Variants in SSBP2 observed in about 807,000 individuals in gnomAD.
SSBP2 encodes the protein single-stranded DNA-binding protein 2.
SSBP2 carries 17 observed loss-of-function variants against 61.8 expected under a neutral mutation model. The ratio of observed to expected loss-of-function variants is 0.28; its 90% confidence interval spans 0.19 to 0.41. SSBP2 has a LOEUF of 0.41. Among genes scored for constraint, SSBP2 ranks in the 10% least tolerant of loss-of-function variants. The probability of loss-of-function intolerance (pLI) is 1.00; values close to 1 mark genes in which losing one functional copy is unlikely to be tolerated. For missense variants in SSBP2, 310 were observed against 458.7 expected (o/e 0.68, Z 2.96); for synonymous variants, 139 against 141.3 (o/e 0.98, Z 0.12).
intron 4 of SSBP2, among the ~76,000 whole-genome samples, chr5:81,518,364 C>A (rs1018795707): frequency 6.6e-6 from 1 of 151,954 alleles, no homozygotes; most frequent in South Asian, 2.1e-4. Context: ...TATTAAGAGG[C>A]GGGCCCTTTA....
rs1467745539 is a variant in SSBP2 at position 81,750,191 on chromosome 5, G to A, written c.62+790C>T. 1.4e-4 allele frequency among the ~76,000 whole-genome samples: 21 copies of A among 151,562 alleles called. No individual in the cohort carries two copies. The South Asian group carries it at 4.4e-3, about 32-fold the overall frequency. ...ACACACTTTAGCTCCCCGGGAACTCGGTCCCTCTCCGACTCCCAAACTTCG... is the reference window on the plus strand; with the variant it reads ...ACACACTTTAGCTCCCCGGGAACTCAGTCCCTCTCCGACTCCCAAACTTCG... On this transcript the variant is annotated intron_variant, in intron 1 of 16. Transcript: ENST00000320672.
intron 8 of SSBP2, among the ~76,000 whole-genome samples, chr5:81,472,202 A>G (rs575578303): frequency 2.0e-5 from 3 of 152,268 alleles, no homozygotes; most frequent in Admixed American, 2.0e-4. Context: ...AAAATTCTGG[A>G]TTTTAAATTA....
At chr5:81,530,925 A>T (rs1488068051) in intron 4 of SSBP2, among the ~76,000 whole-genome samples, 1 of 152,122 alleles carries the variant, frequency 6.6e-6, no homozygotes, top group Non-Finnish European at 1.5e-5. Flanking sequence ...GTCAAGAAAG[A>T]ATATAATTTC....
intron 1 of SSBP2, among the ~76,000 whole-genome samples, chr5:81,734,970 C>CAAAAA (rs11350574): frequency 4.3e-5 from 3 of 70,514 alleles, no homozygotes; most frequent in African/African-American, 5.8e-5. Flanking sequence ...GACTCCATCT[C>CAAAAA]AAAAAAAAAA....
intron 6 of SSBP2, among the ~76,000 whole-genome samples, chr5:81,475,627 A>G (rs1398441855): frequency 6.6e-6 from 1 of 151,934 alleles, no homozygotes; most frequent in East Asian, 1.9e-4. Context: ...TTTCCTATTC[A>G]TGCATTCAAT....
chr5:81,720,458 T>C (rs934780889), intron 1 of SSBP2, among the ~76,000 whole-genome samples: 15 of 152,220 alleles, frequency 9.9e-5, no homozygotes, highest in African/African-American at 3.6e-4. Flanking sequence ...TCAGAATCTT[T>C]CAGAACACTA....
chr5:81,434,315 C>T lies in SSBP2; in HGVS notation c.957+3115G>A, dbSNP rs542836136. Among the ~76,000 whole-genome samples, 9 of 151,878 alleles carry T rather than the reference C, an allele frequency of 5.9e-5. No homozygotes were observed. In the South Asian group the frequency reaches 6.2e-4, roughly 11 times the overall value. ...GGTGCTTGACAAAATACAGATTTAA[C>T]TGGAGAACTATAGAGCTGTGGCTAG... is the stretch of plus-strand genomic sequence containing the variant. On this transcript the variant is annotated intron_variant, in intron 15 of 16. Coordinates refer to ENST00000320672, the MANE Select transcript of SSBP2 (RefSeq NM_012446.5).
At chr5:81,496,654 T>G (rs970638850) in intron 5 of SSBP2, among the ~76,000 whole-genome samples, 1 of 152,256 alleles carries the variant, frequency 6.6e-6, no homozygotes, top group Non-Finnish European at 1.5e-5. Context: ...ATATTACTTA[T>G]GCAATGTTAT....
intron 1 of SSBP2, among the ~76,000 whole-genome samples, chr5:81,673,075 T>C (rs2153793331): frequency 6.7e-6 from 1 of 150,264 alleles, no homozygotes; most frequent in Admixed American, 6.6e-5. Context: ...TGACCTCAGG[T>C]AGTGATCTGC....
Position 81,646,636 on chromosome 5 carries a change from A to G in SSBP2, c.135+3631T>C, listed in dbSNP as rs141074136. 1.2e-3 allele frequency among the ~76,000 whole-genome samples: 158 copies of G among 132,144 alleles called. 2 individuals carry two copies. In the East Asian group the frequency reaches 0.017, roughly 14 times the overall value. 86.7% of individuals were successfully genotyped at this position (132,144 alleles called of 152,430 possible). On this transcript the variant is annotated intron_variant, in intron 2 of 16. Coordinates refer to ENST00000320672, the MANE Select transcript of SSBP2 (RefSeq NM_012446.5). ...CTTTTTTTTTTTTTTTTTACCATCC[A>G]TGGTTAGGGCAAAAGGGCACCAAGA... is the stretch of plus-strand genomic sequence containing the variant.
chr5:81,542,817 T>TTCCCTCTCTCTCTCTCTC (rs1771384382), intron 4 of SSBP2, among the ~76,000 whole-genome samples: 1 of 106,724 alleles, frequency 9.4e-6, no homozygotes, highest in Non-Finnish European at 1.9e-5. Flanking sequence ...ATTTGACAGT[T>TTCCCTCTCTCTCTCTCTC]TCTCTCTCTC....
chr5:81,505,426 C>T (rs561863546), intron 5 of SSBP2, among the ~76,000 whole-genome samples: 1 of 152,112 alleles, frequency 6.6e-6, no homozygotes, highest in Admixed American at 6.6e-5. Context: ...CAAATCTATT[C>T]CCCCTAAATA....
intron 4 of SSBP2, among the ~76,000 whole-genome samples, chr5:81,545,053 T>C (rs1224020925): frequency 6.6e-6 from 1 of 152,224 alleles, no homozygotes; most frequent in Non-Finnish European, 1.5e-5. Context: ...CCACCTCTTC[T>C]ATCCATCATC....
At chr5:81,470,617 C>T (rs953806454) in intron 8 of SSBP2, among the ~76,000 whole-genome samples, 12 of 151,848 alleles carry the variant, frequency 7.9e-5, no homozygotes, top group East Asian at 3.8e-4. Flanking sequence ...TAACTACTGT[C>T]CCCCTGTACC....
intron 12 of SSBP2, among the ~76,000 whole-genome samples, chr5:81,443,771 C>T (rs551807180): frequency 6.6e-5 from 10 of 152,312 alleles, no homozygotes; most frequent in Non-Finnish European, 1.2e-4. Flanking sequence ...ACTGTGTTAG[C>T]CAGGATGGTC....
At position 81,433,659 on chromosome 5, in the gene SSBP2, G is replaced by T. The variant is rs551475035; in HGVS notation, c.957+3771C>A. 4.6e-5 allele frequency among the ~76,000 whole-genome samples: 7 copies of T among 151,546 alleles called. No homozygotes were observed. The East Asian group carries it at 1.4e-3, about 29-fold the overall frequency. ...TCTCTACCCTCAACCCCAACTCCAAGGAAAAGGATTTTTGTTTCATTGATT... is the reference window on the plus strand; with the variant it reads ...TCTCTACCCTCAACCCCAACTCCAATGAAAAGGATTTTTGTTTCATTGATT... On this transcript the variant is annotated intron_variant, in intron 15 of 16. Coordinates refer to ENST00000320672, the MANE Select transcript of SSBP2 (RefSeq NM_012446.5).
At chr5:81,726,518 C>T (rs913918438) in intron 1 of SSBP2, among the ~76,000 whole-genome samples, 1 of 151,854 alleles carries the variant, frequency 6.6e-6, no homozygotes, top group East Asian at 1.9e-4. Context: ...CAATGCTGCA[C>T]TATTATACTT....
intron 1 of SSBP2, among the ~76,000 whole-genome samples, chr5:81,714,578 T>C (rs1026925084): frequency 1.3e-5 from 2 of 152,232 alleles, no homozygotes; most frequent in African/African-American, 4.8e-5. Context: ...TCCTGACTTT[T>C]TAATGATTGC....
chr5:81,448,513 G>A (rs1763551510), intron 11 of SSBP2, among the ~76,000 whole-genome samples: 1 of 152,050 alleles, frequency 6.6e-6, no homozygotes, highest in South Asian at 2.1e-4. Flanking sequence ...GTGTAACTGG[G>A]GATTACTCTC....
Sources: gnomAD v4.1 joint callset for allele counts (sites outside exome capture counted in the v4.1 genomes callset) on GRCh38, gnomAD v4.1.1 for gene constraint, MANE v1.5 for transcripts, NCBI Gene and HGNC (gene_info 2026-07-23, HGNC 2026-07-21) for gene names.